Variants in DACH2 observed in about 807,000 individuals in gnomAD.
DACH2 encodes dachshund family transcription factor 2, also known as dachshund homolog 2.
A neutral mutation model predicts 35.8 loss-of-function variants in DACH2; 17 were observed. The ratio of observed to expected loss-of-function variants is 0.48; its 90% CI spans 0.33 to 0.71. The LOEUF (loss-of-function observed/expected upper bound fraction) is 0.71. Among genes scored for constraint, DACH2 ranks in the 30% least tolerant of loss-of-function variants. The probability of loss-of-function intolerance (pLI) is 0.02; values close to 1 mark genes in which losing one functional copy is unlikely to be tolerated. For missense variants in DACH2, 469 were observed against 472.7 expected (o/e 0.99, Z 0.07); for synonymous variants, 195 against 177.3 (o/e 1.10, Z -0.79).
chrX:86,254,815 G>GAGAGAT (rs2033484355), intron 1 of DACH2, among the ~76,000 whole-genome samples: 1 of 59,512 alleles, frequency 1.7e-5, no homozygotes, highest in African/African-American at 6.1e-5. Flanking sequence ...TATAGAGAGA[G>GAGAGAT]AGAGAGAGAG....
At chrX:86,722,615 C>T (rs1021216928) in intron 6 of DACH2, among the ~76,000 whole-genome samples, 16 of 110,984 alleles carry the variant, frequency 1.4e-4, no homozygotes, top group African/African-American at 4.6e-4. Flanking sequence ...CTTTCAACTT[C>T]GTGTCCCAAA....
chrX:86,342,811 AAATT>A (rs1380961104), intron 1 of DACH2, among the ~76,000 whole-genome samples: 1 of 109,386 alleles, frequency 9.1e-6, no homozygotes, highest in African/African-American at 3.3e-5. Flanking sequence ...ATAAATAAAT[AAATT>A]AATTAATTAA....
chrX:86,658,814 T>C (rs771427064), intron 4 of DACH2, among the ~76,000 whole-genome samples: 2 of 111,419 alleles, frequency 1.8e-5, no homozygotes, highest in East Asian at 5.6e-4. Flanking sequence ...TAGAAATAAA[T>C]GGAGTATTTT....
intron 1 of DACH2, among the ~76,000 whole-genome samples, chrX:86,324,851 C>T (rs936385138): frequency 9.1e-6 from 1 of 110,057 alleles, no homozygotes; most frequent in Non-Finnish European, 1.9e-5. Context: ...ATTGTCACAG[C>T]CACTCAAGCC....
intron 3 of DACH2, among the ~76,000 whole-genome samples, chrX:86,574,060 A>G (rs1422727678): frequency 8.9e-6 from 1 of 111,993 alleles, no homozygotes; most frequent in Non-Finnish European, 1.9e-5. Flanking sequence ...GTGTTTAGGA[A>G]GTATGACCTG....
chrX:86,161,100 G>A lies in DACH2; in HGVS notation c.488+11992G>A, dbSNP rs1602243175. On this transcript the variant is annotated intron_variant, in intron 1 of 11. Coordinates refer to ENST00000373125, the MANE Select transcript of DACH2 (RefSeq NM_053281.3). ...AATTGGCACAAATGCTACTGTGTTG[G>A]GGTTGTAGCCAATTTTCTTAATGTA... 5 of 1,095,586 alleles carry A rather than the reference G, an allele frequency of 4.6e-6. No individual in the cohort carries two copies. The East Asian group carries it at 1.5e-4, about 33-fold the overall frequency. The allele number at this position is 1,095,586 out of a possible 1,213,427, so 90.3% of individuals were successfully genotyped here. A position where few individuals can be genotyped will look rare whatever the true frequency, so the allele number is the denominator to read the frequency against.
intron 4 of DACH2, among the ~76,000 whole-genome samples, chrX:86,673,210 G>A (rs5923586): frequency 0.31 from 33,124 of 108,385 alleles, 4,225 homozygotes; most frequent in Middle Eastern, 0.44. Flanking sequence ...GGTGGTGGGC[G>A]TCTGTAGTCC....
chrX:86,572,056 A>G (rs2039377613), intron 3 of DACH2, among the ~76,000 whole-genome samples: 1 of 111,181 alleles, frequency 9.0e-6, no homozygotes, highest in East Asian at 2.8e-4. Flanking sequence ...GAACACTTGG[A>G]CACAGAAAGC....
intron 2 of DACH2, among the ~76,000 whole-genome samples, chrX:86,399,983 C>G (rs1382241134): frequency 8.9e-6 from 1 of 111,979 alleles, no homozygotes. Context: ...TGTTTTCCAA[C>G]TTGGTTCCAT....
At chrX:86,289,719 A>C (rs1489289686) in intron 1 of DACH2, among the ~76,000 whole-genome samples, 1 of 107,833 alleles carries the variant, frequency 9.3e-6, no homozygotes, top group African/African-American at 3.4e-5. Flanking sequence ...ATGATTTCCA[A>C]TTTCCTCCAT....
chrX:86,280,787 C>A (rs2034010497), intron 1 of DACH2, among the ~76,000 whole-genome samples: 1 of 111,584 alleles, frequency 9.0e-6, no homozygotes, highest in Non-Finnish European at 1.9e-5. Context: ...GCACAAATAG[C>A]AGCGTTTGCA....
At chrX:86,605,893 T>C (rs191875168) in intron 3 of DACH2, among the ~76,000 whole-genome samples, 2 of 111,511 alleles carry the variant, frequency 1.8e-5, no homozygotes, top group East Asian at 5.6e-4. Context: ...TAAAAAACTA[T>C]TGTTTTAATT....
chrX:86,731,564 A>C (rs1358452794), intron 6 of DACH2, among the ~76,000 whole-genome samples: 1 of 112,485 alleles, frequency 8.9e-6, no homozygotes, highest in Non-Finnish European at 1.9e-5. Context: ...AGTGAATGAA[A>C]AAAGTTTGTT....
chrX:86,232,406 C>G (rs1419995824), intron 1 of DACH2, among the ~76,000 whole-genome samples: 1 of 111,641 alleles, frequency 9.0e-6, no homozygotes, highest in Non-Finnish European at 1.9e-5. Context: ...ACAAAGTAAA[C>G]AGACAACTTA....
intron 2 of DACH2, among the ~76,000 whole-genome samples, chrX:86,483,710 G>A (rs1265285053): frequency 9.0e-6 from 1 of 111,012 alleles, no homozygotes; most frequent in Non-Finnish European, 1.9e-5. Flanking sequence ...GCATGTGCCT[G>A]TGGTCCCAGC....
At chrX:86,252,114 C>T (rs1484255837) in intron 1 of DACH2, among the ~76,000 whole-genome samples, 2 of 111,080 alleles carry the variant, frequency 1.8e-5, no homozygotes, top group Non-Finnish European at 3.8e-5. Context: ...ATTTTTTTCA[C>T]ATGTTTGTTG....
intron 6 of DACH2, among the ~76,000 whole-genome samples, chrX:86,733,504 AC>A (rs2041556553): frequency 1.8e-5 from 2 of 111,733 alleles, no homozygotes; most frequent in Non-Finnish European, 3.8e-5. Flanking sequence ...GGCTTGCAAG[AC>A]TATTAATCCT....
intron 2 of DACH2, among the ~76,000 whole-genome samples, chrX:86,494,109 C>T (rs773795385): frequency 9.0e-6 from 1 of 111,643 alleles, no homozygotes; most frequent in Non-Finnish European, 1.9e-5. Context: ...CATTGTTGAT[C>T]GCTGCCTAGT....
rs1188776742 is a variant in DACH2 at position 86,816,027 on chromosome X, A to T, written c.1685-7A>T. On this transcript the variant is annotated splice_region_variant and splice_polypyrimidine_tract_variant and intron_variant, in intron 10 of 11. Coordinates refer to ENST00000373125, the MANE Select transcript of DACH2 (RefSeq NM_053281.3). ...TGTATATTAATCTTGCATGTCATTT[A>T]TTTCAGATACTGGAATTCCAGATAT... 7 of 1,171,354 alleles carry T rather than the reference A, an allele frequency of 6.0e-6. No individual in the cohort carries two copies. Among genetic ancestry groups the T allele is most frequent in the East Asian group, 6.3e-5 (2 of 31,710 alleles).
Sources: allele counts gnomAD v4.1 joint callset (sites outside exome capture counted in the v4.1 genomes callset), GRCh38; gene constraint gnomAD v4.1.1; transcripts MANE v1.5; gene names NCBI Gene and HGNC (gene_info 2026-07-23, HGNC 2026-07-21).